Variants in ELMO1 observed in about 807,000 individuals in gnomAD.
ELMO1 encodes engulfment and cell motility protein 1.
Under a neutral mutation model 98.9 loss-of-function variants are expected in ELMO1, and 26 were observed. The observed-to-expected ratio is 0.26, with a 90% CI of 0.19 to 0.36. The LOEUF is 0.36. Ranked by LOEUF, ELMO1 falls within the 10% of genes least tolerant of loss-of-function variation. The pLI is 1.00. For synonymous variants in ELMO1, 346 were observed against 346.0 expected (o/e 1.00, Z 0.00); for missense variants, 627 against 935.2 (o/e 0.67, Z 4.30).
At chr7:37,172,059 C>G (rs1042958412) in intron 13 of ELMO1, among the ~76,000 whole-genome samples, 1 of 152,032 alleles carries the variant, frequency 6.6e-6, no homozygotes, top group Non-Finnish European at 1.5e-5. Flanking sequence ...ACAAGCTGGA[C>G]AATAATAGAA....
chr7:37,111,535 A>ATAC (rs1785250859), intron 14 of ELMO1, among the ~76,000 whole-genome samples: 1 of 152,236 alleles, frequency 6.6e-6, no homozygotes. Context: ...TTGTACTAGC[A>ATAC]TACTACCAAA....
chr7:37,141,250 T>G (rs556352390), intron 13 of ELMO1, among the ~76,000 whole-genome samples: 1 of 152,138 alleles, frequency 6.6e-6, no homozygotes, highest in African/African-American at 2.4e-5. Flanking sequence ...CTGGAGGGAA[T>G]TGGAGACTGT....
At chr7:37,285,196 C>G (rs887180412) in intron 4 of ELMO1, among the ~76,000 whole-genome samples, 1 of 151,784 alleles carries the variant, frequency 6.6e-6, no homozygotes, top group East Asian at 1.9e-4. Flanking sequence ...GAGCAATGCC[C>G]GCTCTTGGTC....
intron 14 of ELMO1, among the ~76,000 whole-genome samples, chr7:37,109,644 C>G (rs137900707): frequency 2.6e-3 from 402 of 152,270 alleles, no homozygotes; most frequent in Non-Finnish European, 4.7e-3. Flanking sequence ...AGGAAACTGA[C>G]TCGTGTTTCC....
intron 16 of ELMO1, among the ~76,000 whole-genome samples, chr7:36,895,995 A>G (rs925199503): frequency 2.6e-5 from 4 of 152,244 alleles, no homozygotes; most frequent in Non-Finnish European, 5.9e-5. Flanking sequence ...CTTCAAAATC[A>G]TACCATTGGT....
chr7:37,411,704 G>A (rs1804001306), intron 1 of ELMO1, among the ~76,000 whole-genome samples: 1 of 152,112 alleles, frequency 6.6e-6, no homozygotes, highest in African/African-American at 2.4e-5. Context: ...TATGACTAAT[G>A]AGCATATTTT....
chr7:36,955,097 A>G (rs981009912), intron 16 of ELMO1, among the ~76,000 whole-genome samples: 1 of 152,220 alleles, frequency 6.6e-6, no homozygotes, highest in Non-Finnish European at 1.5e-5. Context: ...CACACGTTGT[A>G]TCTTATGAGC....
chr7:37,065,294 A>C (rs73688661), intron 15 of ELMO1, among the ~76,000 whole-genome samples: 6,623 of 151,844 alleles, frequency 0.044, 428 homozygotes, highest in African/African-American at 0.14. Context: ...GATTATAGGC[A>C]TGCATCCACC....
chr7:37,012,250 G>A (rs1793613053), intron 16 of ELMO1, among the ~76,000 whole-genome samples: 1 of 152,206 alleles, frequency 6.6e-6, no homozygotes, highest in Admixed American at 6.5e-5. Context: ...GGTTCAAGAT[G>A]CCACAAATGA....
chr7:37,381,743 G>A lies in ELMO1; in HGVS notation c.-73-38980C>T, dbSNP rs1184479859. ...TCTTCCCAGTCCATAGGGATGGAGA[G>A]AGTCTTCAACAGGGTTCCAGGATTG... On this transcript the variant is annotated intron_variant, in intron 1 of 21. Coordinates refer to ENST00000310758, the MANE Select transcript of ELMO1 (RefSeq NM_014800.11). 5.3e-5 allele frequency among the ~76,000 whole-genome samples: 8 copies of A among 152,180 alleles called. No homozygotes were observed. In the East Asian group the frequency reaches 1.5e-3, roughly 29 times the overall value.
At chr7:37,345,849 C>T (rs1258945651) in intron 1 of ELMO1, among the ~76,000 whole-genome samples, 3 of 151,198 alleles carry the variant, frequency 2.0e-5, no homozygotes, top group East Asian at 3.9e-4. Flanking sequence ...ATTAGCCGGG[C>T]GTGGTGGTGG....
At chr7:37,139,180 C>A (rs1053864921) in intron 13 of ELMO1, among the ~76,000 whole-genome samples, 1 of 152,166 alleles carries the variant, frequency 6.6e-6, no homozygotes, top group Non-Finnish European at 1.5e-5. Flanking sequence ...AGGATGCCCA[C>A]TTTCACCACT....
intron 4 of ELMO1, among the ~76,000 whole-genome samples, chr7:37,289,190 G>A (rs950823139): frequency 2.6e-5 from 4 of 152,046 alleles, no homozygotes; most frequent in African/African-American, 7.2e-5. Context: ...ACAGAGTCTG[G>A]AACAATAGTG....
intron 8 of ELMO1, among the ~76,000 whole-genome samples, chr7:37,231,662 C>A (rs1182058791): frequency 6.6e-6 from 1 of 152,152 alleles, no homozygotes; most frequent in African/African-American, 2.4e-5. Flanking sequence ...GGAGGCATGA[C>A]AACCAAATTC....
chr7:37,265,857 T>C (rs990842423), intron 5 of ELMO1, among the ~76,000 whole-genome samples: 1 of 152,150 alleles, frequency 6.6e-6, no homozygotes, highest in Admixed American at 6.5e-5. Flanking sequence ...CACCTGCATC[T>C]GTCCAGGCTT....
chr7:37,240,489 T>A (rs12674075), intron 7 of ELMO1, among the ~76,000 whole-genome samples: 78,876 of 151,830 alleles, frequency 0.52, 22,393 homozygotes, highest in Non-Finnish European at 0.64. Context: ...CTGTTTCCTA[T>A]TTCATTGGTT....
chr7:36,886,792 A>G (rs1282352755), intron 18 of ELMO1, among the ~76,000 whole-genome samples: 5 of 152,266 alleles, frequency 3.3e-5, no homozygotes, highest in African/African-American at 7.2e-5. Flanking sequence ...CTCTTTTGAC[A>G]TCCATTTGAA....
chr7:37,291,909 C>G (rs933030845), intron 4 of ELMO1, among the ~76,000 whole-genome samples: 7 of 137,676 alleles, frequency 5.1e-5, no homozygotes, highest in African/African-American at 1.9e-4. Flanking sequence ...GAGTGAAACT[C>G]TGCTCCCTCT....
At chr7:37,359,262 A>G (rs1378040244) in intron 1 of ELMO1, among the ~76,000 whole-genome samples, 3 of 152,292 alleles carry the variant, frequency 2.0e-5, no homozygotes, top group African/African-American at 7.2e-5. Flanking sequence ...TTCTCCTAAT[A>G]AGCAGGAAGG....
Sources: allele counts gnomAD v4.1 joint callset (sites outside exome capture counted in the v4.1 genomes callset), GRCh38; gene constraint gnomAD v4.1.1; transcripts MANE v1.5; gene names NCBI Gene and HGNC (gene_info 2026-07-23, HGNC 2026-07-21).